Variants in LRRC4C observed in about 807,000 individuals in gnomAD.
The protein encoded by LRRC4C is leucine-rich repeat-containing protein 4C.
In LRRC4C, 5 loss-of-function variants were observed where a neutral mutation model predicts 33.6. The observed-to-expected ratio is 0.15, with a 90% confidence interval of 0.08 to 0.31. LRRC4C has a LOEUF of 0.31. Among genes scored for constraint, LRRC4C ranks in the 10% least tolerant of loss-of-function variants. LRRC4C has a pLI of 1.00. For synonymous variants in LRRC4C, 329 were observed against 302.0 expected (o/e 1.09, Z -0.93); for missense variants, 560 against 796.7 (o/e 0.70, Z 3.58).
At chr11:40,173,227 T>C (rs1860193136) in intron 5 of LRRC4C, among the ~76,000 whole-genome samples, 1 of 152,218 alleles carries the variant, frequency 6.6e-6, no homozygotes, top group African/African-American at 2.4e-5. Flanking sequence ...CACTTGGCAA[T>C]GACAGCCCTA....
intron 3 of LRRC4C, among the ~76,000 whole-genome samples, chr11:40,598,657 A>C (rs762227900): frequency 6.6e-6 from 1 of 152,132 alleles, no homozygotes; most frequent in African/African-American, 2.4e-5. Context: ...TCCTAATCTC[A>C]CATGTTTTAT....
chr11:41,327,737 T>C (rs1951166385), intron 1 of LRRC4C, among the ~76,000 whole-genome samples: 1 of 152,140 alleles, frequency 6.6e-6, no homozygotes, highest in African/African-American at 2.4e-5. Flanking sequence ...GTTTGTCTCG[T>C]GCTGTTCTCA....
At chr11:40,760,223 T>C (rs1205426735) in intron 2 of LRRC4C, among the ~76,000 whole-genome samples, 1 of 152,088 alleles carries the variant, frequency 6.6e-6, no homozygotes, top group Admixed American at 6.6e-5. Flanking sequence ...TCATATTTTG[T>C]GACATTGAGT....
At chr11:41,351,423 G>T (rs2137572179) in intron 1 of LRRC4C, among the ~76,000 whole-genome samples, 1 of 152,192 alleles carries the variant, frequency 6.6e-6, no homozygotes, top group East Asian at 1.9e-4. Context: ...ACATATTGAA[G>T]GATATTGTAT....
At chr11:40,315,328 C>A (rs1945523263) in intron 4 of LRRC4C, among the ~76,000 whole-genome samples, 1 of 151,676 alleles carries the variant, frequency 6.6e-6, no homozygotes, top group Admixed American at 6.6e-5. Flanking sequence ...ATAGCTTTTG[C>A]TTAGTTTGCA....
intron 3 of LRRC4C, among the ~76,000 whole-genome samples, chr11:40,530,393 T>G (rs2135304472): frequency 6.6e-6 from 1 of 152,188 alleles, no homozygotes; most frequent in Non-Finnish European, 1.5e-5. Context: ...GATGAGATTT[T>G]GGGTCCTAAA....
chr11:41,157,982 G>A (rs1052607061), intron 1 of LRRC4C, among the ~76,000 whole-genome samples: 1 of 151,856 alleles, frequency 6.6e-6, no homozygotes, highest in East Asian at 1.9e-4. Context: ...CCAAATACTA[G>A]CTCTTATTCA....
chr11:41,394,140 A>G (rs138561811), intron 1 of LRRC4C, among the ~76,000 whole-genome samples: 122 of 152,098 alleles, frequency 8.0e-4, no homozygotes, highest in African/African-American at 2.9e-3. Flanking sequence ...GTTTGATGTC[A>G]AAGTCCTTGC....
chr11:40,492,374 G>A (rs188619647), intron 3 of LRRC4C, among the ~76,000 whole-genome samples: 1 of 152,206 alleles, frequency 6.6e-6, no homozygotes, highest in East Asian at 1.9e-4. Context: ...TTTGCTTTCA[G>A]CTGCCATAGT....
At chr11:40,454,343 T>G (rs1427543958) in intron 3 of LRRC4C, among the ~76,000 whole-genome samples, 1 of 152,142 alleles carries the variant, frequency 6.6e-6, no homozygotes, top group Non-Finnish European at 1.5e-5. Flanking sequence ...TTTTCAAATA[T>G]GAGAGCTATA....
At chr11:40,268,092 A>G (rs990533304) in intron 4 of LRRC4C, among the ~76,000 whole-genome samples, 5 of 152,200 alleles carry the variant, frequency 3.3e-5, no homozygotes, top group African/African-American at 1.2e-4. Flanking sequence ...TATCCTTGTT[A>G]TATCACCACT....
chr11:40,244,297 C>A (rs1276234678), intron 4 of LRRC4C, among the ~76,000 whole-genome samples: 2 of 152,000 alleles, frequency 1.3e-5, no homozygotes, highest in African/African-American at 2.4e-5. Flanking sequence ...TTCAGCCCCC[C>A]ATCTGAGCTC....
chr11:40,292,643 T>C (rs1944269815), intron 4 of LRRC4C: 1 of 119,580 alleles, frequency 8.4e-6, no homozygotes, highest in African/African-American at 3.2e-5. Flanking sequence ...TTTCCAATCA[T>C]CCTTTTTTTT....
At chr11:40,212,918 C>G (rs1261956821) in intron 5 of LRRC4C, among the ~76,000 whole-genome samples, 1 of 152,098 alleles carries the variant, frequency 6.6e-6, no homozygotes, top group Non-Finnish European at 1.5e-5. Context: ...AGTGAAATGG[C>G]TGAGTTGGAA....
In LRRC4C at chr11:40,810,570, A is replaced by G. The variant is rs191645099; in HGVS notation, c.-407+123065T>C. Among the ~76,000 whole-genome samples the G allele has an allele frequency of 7.6e-4, 115 of 152,280 alleles. No homozygotes were observed. In the South Asian group the frequency reaches 9.7e-3, roughly 13 times the overall value. On this transcript the variant is annotated intron_variant, in intron 2 of 6. Coordinates refer to ENST00000528697, the MANE Select transcript of LRRC4C (RefSeq NM_001258419.2). ...ATTGGATGTCTAATAACATTTCAAG[A>G]TGAGTGTATCTCAGATGGTACTCTT...
intron 1 of LRRC4C, among the ~76,000 whole-genome samples, chr11:40,943,709 C>T (rs1245998857): frequency 4.6e-5 from 7 of 152,154 alleles, no homozygotes; most frequent in Non-Finnish European, 1.0e-4. Context: ...GGCTATCTCT[C>T]CTGTCGGGAG....
intron 1 of LRRC4C, among the ~76,000 whole-genome samples, chr11:40,971,723 C>A (rs1269397283): frequency 6.6e-6 from 1 of 152,164 alleles, no homozygotes; most frequent in Non-Finnish European, 1.5e-5. Flanking sequence ...AAGCCCCAGG[C>A]ACTGAGCACC....
At chr11:41,102,355 G>A (rs1941241913) in intron 1 of LRRC4C, among the ~76,000 whole-genome samples, 1 of 151,870 alleles carries the variant, frequency 6.6e-6, no homozygotes, top group Non-Finnish European at 1.5e-5. Context: ...CTTGTCTGGT[G>A]GCTTAATTTA....
intron 1 of LRRC4C, among the ~76,000 whole-genome samples, chr11:40,988,727 T>C (rs1017898707): frequency 6.9e-6 from 1 of 144,480 alleles, no homozygotes; most frequent in East Asian, 2.0e-4. Flanking sequence ...TTTTTTTTTT[T>C]TTTTTTTGAG....
Sources: gnomAD v4.1 joint callset for allele counts (sites outside exome capture counted in the v4.1 genomes callset) on GRCh38, gnomAD v4.1.1 for gene constraint, MANE v1.5 for transcripts, NCBI Gene and HGNC (gene_info 2026-07-23, HGNC 2026-07-21) for gene names.